Variants in MRRF observed in about 807,000 individuals in gnomAD.
MRRF encodes the protein mitochondrial ribosome recycling factor.
MRRF carries 18 observed loss-of-function variants against 25.1 expected under a neutral mutation model. The ratio of observed to expected loss-of-function variants is 0.72; its 90% CI spans 0.50 to 1.06. The LOEUF (loss-of-function observed/expected upper bound fraction) is 1.06. MRRF is among the 50% of genes least tolerant of loss of function. The pLI is 0.00. For synonymous variants in MRRF, 113 were observed against 112.1 expected, an observed-to-expected ratio of 1.01 and a Z score of -0.05; for missense variants, 323 against 319.3, an observed-to-expected ratio of 1.01 and a Z score of -0.09.
At chr9:122,295,892 A>G (rs1018963408) in intron 5 of MRRF, among the ~76,000 whole-genome samples, 4 of 152,118 alleles carry the variant, frequency 2.6e-5, no homozygotes, top group African/African-American at 9.7e-5. Flanking sequence ...ACTAAATTTT[A>G]TTTTCAATTG....
intron 5 of MRRF, among the ~76,000 whole-genome samples, chr9:122,301,713 A>G (rs1352283100): frequency 1.3e-5 from 2 of 151,620 alleles, no homozygotes; most frequent in Admixed American, 6.6e-5. Context: ...TGAGTATTCT[A>G]TGACTTTTCT....
rs377070429 is a variant in MRRF, at chr9:122,322,512, C to T, written c.712-28C>T. On this transcript the variant is annotated intron_variant, in intron 6 of 6. Coordinates refer to ENST00000344641, the MANE Select transcript of MRRF (RefSeq NM_138777.5). ...CCTACCCTTTTCCAGCCCCATTAAT[C>T]AGGCTGTCTCATTTTGTGTTCTTGC... 1.2e-5 allele frequency: 19 copies of T among 1,603,116 alleles called. No individual in the cohort carries two copies. The South Asian group carries it at 1.3e-4, about 11-fold the overall frequency.
Position 122,323,544 on chromosome 9 carries a change from G to C in MRRF, c.*927G>C, listed in dbSNP as rs1223036313. The C allele has an allele frequency of 2.0e-5, 3 of 152,250 alleles. No homozygotes were observed. Among genetic ancestry groups the C allele is most frequent in the African/African-American group, 7.2e-5 (3 of 41,532 alleles). The allele number at this position is 152,250 out of a possible 1,614,324, so 9.4% of individuals were successfully genotyped here. ...TTGTACTTGTTCTCAACATTTACTT[G>C]GTAGTGACATACCTTTCCTGCAGGG... On this transcript the variant is annotated 3_prime_UTR_variant, in exon 7 of 7. Coordinates refer to ENST00000344641, the MANE Select transcript of MRRF (RefSeq NM_138777.5).
chr9:122,286,127 T>C, intron 4 of MRRF: 2 of 1,266,460 alleles, frequency 1.6e-6, no homozygotes, highest in Non-Finnish European at 2.1e-6. Flanking sequence ...GCAAGTTGCT[T>C]CACTCTCTGG....
intron 2 of MRRF, 32 bp from the exon 3 acceptor site, chr9:122,280,411 G>A: frequency 6.2e-7 from 1 of 1,613,488 alleles, no homozygotes; most frequent in Non-Finnish European, 8.5e-7. Flanking sequence ...TTATGCTGCT[G>A]TTGTTTTATT....
chr9:122,300,542 T>C (rs1393826410), intron 5 of MRRF, among the ~76,000 whole-genome samples: 3 of 152,218 alleles, frequency 2.0e-5, no homozygotes, highest in African/African-American at 7.2e-5. Flanking sequence ...GTATTTGTTA[T>C]TATCTAATCC....
At chr9:122,287,575 TC>T (rs1339743227) in intron 4 of MRRF, among the ~76,000 whole-genome samples, 1 of 152,242 alleles carries the variant, frequency 6.6e-6, no homozygotes, top group East Asian at 1.9e-4. Context: ...GCCAGCCACT[TC>T]TTTTATTAAA....
chr9:122,271,926 A>T (rs1045653179), intron 2 of MRRF, among the ~76,000 whole-genome samples: 1 of 152,200 alleles, frequency 6.6e-6, no homozygotes, highest in African/African-American at 2.4e-5. Context: ...TTCCTTTTCT[A>T]ATTTCATGCA....
intron 5 of MRRF, among the ~76,000 whole-genome samples, chr9:122,295,386 T>G (rs538257102): frequency 1.8e-4 from 27 of 151,850 alleles, no homozygotes; most frequent in Admixed American, 7.9e-4. Context: ...ACACATCATA[T>G]CTTAAGTTGG....
At chr9:122,289,889 A>G (rs140100689) in intron 4 of MRRF, among the ~76,000 whole-genome samples, 1 of 151,740 alleles carries the variant, frequency 6.6e-6, no homozygotes, top group East Asian at 2.0e-4. Flanking sequence ...TTAGCCAGGC[A>G]TGGTGGTGCA....
chr9:122,293,444 T>C (rs992244462), intron 5 of MRRF, among the ~76,000 whole-genome samples: 1 of 152,188 alleles, frequency 6.6e-6, no homozygotes, highest in Non-Finnish European at 1.5e-5. Flanking sequence ...CCCATACCCA[T>C]GCAGACAACA....
chr9:122,295,205 A>G (rs1834011942), intron 5 of MRRF, among the ~76,000 whole-genome samples: 1 of 152,194 alleles, frequency 6.6e-6, no homozygotes, highest in East Asian at 1.9e-4. Flanking sequence ...GAAGCTTTTG[A>G]TGCTTAGTAA....
chr9:122,301,953 A>G (rs1443987625), intron 5 of MRRF, among the ~76,000 whole-genome samples: 1 of 148,744 alleles, frequency 6.7e-6, no homozygotes, highest in Admixed American at 6.7e-5. Context: ...CATGTTGCCT[A>G]GGCTGCTCTT....
At chr9:122,291,219 C>T (rs893782664) in intron 4 of MRRF, among the ~76,000 whole-genome samples, 3 of 152,204 alleles carry the variant, frequency 2.0e-5, no homozygotes, top group Non-Finnish European at 4.4e-5. Context: ...TAGTATACCA[C>T]ACTACCTTTG....
intron 2 of MRRF, among the ~76,000 whole-genome samples, chr9:122,278,451 A>G (rs897186877): frequency 1.9e-4 from 28 of 151,036 alleles, no homozygotes; most frequent in African/African-American, 6.8e-4. Context: ...TTTACTTTTC[A>G]GTTTATATTC....
intron 6 of MRRF, among the ~76,000 whole-genome samples, chr9:122,321,672 A>G (rs903865480): frequency 1.3e-5 from 2 of 152,024 alleles, no homozygotes; most frequent in African/African-American, 2.4e-5. Flanking sequence ...GCTGAATTGT[A>G]TCTTATTTTA....
intron 4 of MRRF, among the ~76,000 whole-genome samples, chr9:122,291,333 C>A (rs1029022687): frequency 6.6e-6 from 1 of 152,144 alleles, no homozygotes; most frequent in African/African-American, 2.4e-5. Flanking sequence ...CATTCCAAAT[C>A]GGCACTGGTA....
chr9:122,322,443 T>G, intron 6 of MRRF, 97 bp from the exon 7 acceptor site: 1 of 1,089,396 alleles, frequency 9.2e-7, no homozygotes, highest in South Asian at 1.3e-5. Flanking sequence ...GTCACTATTA[T>G]TATTTCTCAC....
chr9:122,302,638 G>A (rs1834546266), intron 5 of MRRF, among the ~76,000 whole-genome samples: 1 of 151,904 alleles, frequency 6.6e-6, no homozygotes, highest in African/African-American at 2.4e-5. Flanking sequence ...TCTACTTTGG[G>A]GCTGTTAAAT....
Sources: gnomAD v4.1 joint callset for allele counts (sites outside exome capture counted in the v4.1 genomes callset) on GRCh38, gnomAD v4.1.1 for gene constraint, MANE v1.5 for transcripts, NCBI Gene and HGNC (gene_info 2026-07-23, HGNC 2026-07-21) for gene names.